Variants in CLIP2 observed in about 807,000 individuals in gnomAD.
CLIP2 encodes CAP-Gly domain containing linker protein 2.
CLIP2 carries 41 observed loss-of-function variants against 111.7 expected under a neutral mutation model. The ratio of observed to expected loss-of-function variants is 0.37; its 90% confidence interval spans 0.29 to 0.48. The LOEUF (loss-of-function observed/expected upper bound fraction) is 0.48. CLIP2 is among the 20% of genes least tolerant of loss of function. The pLI is 0.99. For missense variants in CLIP2, 1,160 were observed against 1,422.1 expected (o/e 0.82, Z 2.96); for synonymous variants, 660 against 644.2 (o/e 1.02, Z -0.37).
chr7:74,324,178 GA>G (rs1314809432), intron 2 of CLIP2, among the ~76,000 whole-genome samples: 1 of 152,006 alleles, frequency 6.6e-6, no homozygotes, highest in Non-Finnish European at 1.5e-5. Context: ...TTTTAGTAGA[GA>G]CAGAGTTTCG....
intron 13 of CLIP2, among the ~76,000 whole-genome samples, chr7:74,390,735 T>C (rs900921859): frequency 1.2e-5 from 1 of 85,962 alleles, no homozygotes; most frequent in East Asian, 3.3e-4. Flanking sequence ...AAAGTAACTA[T>C]TTTCTGGCGG....
intron 2 of CLIP2, among the ~76,000 whole-genome samples, chr7:74,320,213 AAAAG>A (rs1255726724): frequency 4.5e-5 from 6 of 132,500 alleles, no homozygotes; most frequent in South Asian, 2.4e-4. Flanking sequence ...AAAAAAAAAA[AAAAG>A]AAAGAAAAAG....
At chr7:74,313,303 T>C (rs1554728753) in intron 1 of CLIP2, among the ~76,000 whole-genome samples, 5 of 152,044 alleles carry the variant, frequency 3.3e-5, no homozygotes, top group Admixed American at 6.6e-5. Context: ...CTCACGCCTG[T>C]AATTCCAGCA....
intron 13 of CLIP2, among the ~76,000 whole-genome samples, chr7:74,394,243 T>TTG (rs200568104): frequency 1.6e-5 from 2 of 126,236 alleles, no homozygotes; most frequent in African/African-American, 5.9e-5. Flanking sequence ...CTTTTTCTTC[T>TTG]TATTTTTTTT....
At chr7:74,303,437 C>G (rs188758114) in intron 1 of CLIP2, among the ~76,000 whole-genome samples, 1 of 152,074 alleles carries the variant, frequency 6.6e-6, no homozygotes, top group Non-Finnish European at 1.5e-5. Flanking sequence ...CTGGGTAGGG[C>G]TTGGGGAGCC....
Position 74,338,971 on chromosome 7 carries a change from C to T in CLIP2, c.645C>T (p.Gly215=), listed in dbSNP as rs1789571798. 6.3e-7 allele frequency: 1 copy of T among 1,598,812 alleles called. No individual in the cohort carries two copies. The change falls in exon 3 of 17, where the codon GGC becomes GGT. Residue 215 remains glycine, a synonymous_variant. Transcript: ENST00000223398. The surrounding 1 kb of genome is among the most constrained non-coding windows in gnomAD (Gnocchi z 4.3). ...CAGACAGCGGCTCTGTGAAGCGGGG[C>T]GAAAAGGACCTGCGCCTGGGGGACC... ...NLSDSGSVKR[G]EKDLRLGDRV...
At chr7:74,331,945 G>T (rs2116540040) in intron 2 of CLIP2, among the ~76,000 whole-genome samples, 1 of 152,032 alleles carries the variant, frequency 6.6e-6, no homozygotes, top group South Asian at 2.1e-4. Context: ...GTGTCTTAAA[G>T]AAAAAAATGT....
chr7:74,337,121 C>G (rs1789495778), intron 2 of CLIP2, among the ~76,000 whole-genome samples: 1 of 151,912 alleles, frequency 6.6e-6, no homozygotes, highest in African/African-American at 2.4e-5. Context: ...CTCCTGACTT[C>G]AGGTGATCCG....
At chr7:74,369,318 T>TC (rs1554311424) in intron 8 of CLIP2, among the ~76,000 whole-genome samples, 1 of 151,990 alleles carries the variant, frequency 6.6e-6, no homozygotes, top group Non-Finnish European at 1.5e-5. Flanking sequence ...ACCACTGCAC[T>TC]CCAGCCTGGG....
intron 9 of CLIP2, among the ~76,000 whole-genome samples, chr7:74,374,536 C>A (rs1790722189): frequency 6.6e-6 from 1 of 152,146 alleles, no homozygotes; most frequent in South Asian, 2.1e-4. Flanking sequence ...GACTGGCCAA[C>A]ATGGTGAAAC....
At chr7:74,296,643 G>A (rs2116445616) in intron 1 of CLIP2, among the ~76,000 whole-genome samples, 1 of 151,666 alleles carries the variant, frequency 6.6e-6, no homozygotes, top group East Asian at 1.9e-4. Flanking sequence ...TAAAAAATTA[G>A]CCGGGTGTGG....
chr7:74,386,404 G>T, intron 11 of CLIP2, 117 bp from the exon 12 acceptor site: 1 of 740,658 alleles, frequency 1.4e-6, no homozygotes. Flanking sequence ...GAAGAACTTG[G>T]ACCCTGGAGG....
At chr7:74,336,627 G>A (rs2116553275) in intron 2 of CLIP2, among the ~76,000 whole-genome samples, 1 of 152,164 alleles carries the variant, frequency 6.6e-6, no homozygotes, top group Non-Finnish European at 1.5e-5. Flanking sequence ...CCCAAAACGT[G>A]GAAATTATGG....
intron 11 of CLIP2, among the ~76,000 whole-genome samples, chr7:74,386,173 G>A (rs1324434015): frequency 2.0e-5 from 3 of 151,354 alleles, no homozygotes; most frequent in African/African-American, 2.4e-5. Flanking sequence ...TCAGCCTCCC[G>A]AGTAGCTGGG....
intron 10 of CLIP2, chr7:74,379,874 G>C (rs1562720883): frequency 6.6e-6 from 1 of 152,252 alleles, no homozygotes; most frequent in Non-Finnish European, 1.5e-5. Context: ...TTGAACCCGG[G>C]AGGTGGAGGT....
chr7:74,298,570 C>T (rs547326802), intron 1 of CLIP2, among the ~76,000 whole-genome samples: 1 of 82,716 alleles, frequency 1.2e-5, no homozygotes, highest in South Asian at 3.8e-4. Flanking sequence ...CTCTGCTGTC[C>T]AGGTTGGAGT....
At chr7:74,331,562 CTTTTTTT>C (rs1213774851) in intron 2 of CLIP2, among the ~76,000 whole-genome samples, 1 of 120,674 alleles carries the variant, frequency 8.3e-6, no homozygotes, top group Admixed American at 9.0e-5. Flanking sequence ...TTCTTTCTTT[CTTTTTTT>C]TTTTTTTTTT....
intron 13 of CLIP2, among the ~76,000 whole-genome samples, chr7:74,396,677 C>T (rs377007672): frequency 7.9e-5 from 12 of 152,112 alleles, no homozygotes; most frequent in South Asian, 2.1e-4. Flanking sequence ...CTTACCACCA[C>T]GACTGGCTAA....
At chr7:74,304,947 AAAAT>A (rs1352395316) in intron 1 of CLIP2, among the ~76,000 whole-genome samples, 2 of 152,118 alleles carry the variant, frequency 1.3e-5, no homozygotes, top group African/African-American at 2.4e-5. Context: ...CCTGTCTCCA[AAAAT>A]AAATAAATGA....
Sources: gnomAD v4.1 joint callset for allele counts (sites outside exome capture counted in the v4.1 genomes callset) on GRCh38, gnomAD v4.1.1 for gene constraint, Gnocchi (gnomAD v3.1) non-coding constraint, MANE v1.5 for transcripts, NCBI Gene and HGNC (gene_info 2026-07-23, HGNC 2026-07-21) for gene names.